The following PTK7 variants were observed in gnomAD, a reference collection of about 807,000 sequenced individuals.
The protein encoded by PTK7 is inactive tyrosine-protein kinase 7.
In PTK7, 39 loss-of-function variants were observed where a neutral mutation model predicts 116.6. The observed-to-expected ratio is 0.33, with a 90% CI of 0.26 to 0.44. The LOEUF (loss-of-function observed/expected upper bound fraction) is 0.44, where lower values mean the gene tolerates loss of function less well. Among genes scored for constraint, PTK7 ranks in the 20% least tolerant of loss-of-function variants. PTK7 has a pLI of 1.00. For synonymous variants in PTK7, 546 were observed against 563.6 expected (o/e 0.97, Z 0.44); for missense variants, 1,169 against 1,425.6 (o/e 0.82, Z 2.90).
rs1380727487 is a variant in PTK7 at position 43,142,244 on chromosome 6, C to A, written c.1992C>A (p.Cys664Ter). Residue 664 changes from cysteine to a stop codon, truncating the protein, a stop_gained, in exon 13 of 20, where the codon TGC (cysteine) becomes TGA (stop). Coordinates refer to ENST00000230419, the MANE Select transcript of PTK7 (RefSeq NM_002821.5). LOFTEE classifies it high-confidence loss of function. The part of the protein sequence containing the change: ...VAPEDSGRYT[C>*]IAGNSCNIKH... ...CTGAGGACTCAGGCCGCTACACCTG[C>A]ATTGCAGGCAACAGCTGCAACATCA... is the stretch of plus-strand genomic sequence containing the variant. 6.2e-7 allele frequency: 1 copy of A among 1,614,176 alleles called. No individual in the cohort carries two copies. Among genetic ancestry groups the A allele is most frequent in the Non-Finnish European group, 8.5e-7 (1 of 1,180,022 alleles).
intron 7 of PTK7, 53 bp downstream of exon 7, chr6:43,132,740 G>A: frequency 6.4e-7 from 1 of 1,550,426 alleles, no homozygotes; most frequent in East Asian, 2.4e-5. Context: ...ACACAGGTCT[G>A]GGTGTGATGG....
At chr6:43,103,498 G>A (rs1200295050) in intron 1 of PTK7, among the ~76,000 whole-genome samples, 2 of 151,824 alleles carry the variant, frequency 1.3e-5, no homozygotes, top group Admixed American at 6.6e-5. Flanking sequence ...TAAAAAATGT[G>A]TGCTCCCTGC....
At chr6:43,132,922 G>C in intron 7 of PTK7, 2 of 620,172 alleles carry the variant, frequency 3.2e-6, no homozygotes, top group Non-Finnish European at 5.7e-6. Context: ...GGTCCTCTGG[G>C]TACAGAGGAA....
At chr6:43,124,270 T>C (rs1441480483) in intron 1 of PTK7, among the ~76,000 whole-genome samples, 1 of 152,210 alleles carries the variant, frequency 6.6e-6, no homozygotes, top group East Asian at 1.9e-4. Flanking sequence ...ATTGCTGTCC[T>C]CCATTTCTTG....
chr6:43,088,433 A>T (rs549025911), intron 1 of PTK7, among the ~76,000 whole-genome samples: 182 of 151,962 alleles, frequency 1.2e-3, no homozygotes, highest in African/African-American at 4.1e-3. Flanking sequence ...CGTGGCTCAT[A>T]CCTGTAATCC....
At chr6:43,108,906 A>G (rs1236000098) in intron 1 of PTK7, among the ~76,000 whole-genome samples, 1 of 152,324 alleles carries the variant, frequency 6.6e-6, no homozygotes, top group East Asian at 1.9e-4. Context: ...GGAAACTTCT[A>G]TAAACACCAA....
chr6:43,086,479 C>G (rs1279531941), intron 1 of PTK7, among the ~76,000 whole-genome samples: 1 of 151,082 alleles, frequency 6.6e-6, no homozygotes, highest in African/African-American at 2.4e-5. Context: ...CGCTTGTCTG[C>G]TTTGGGACTG....
Position 43,161,197 on chromosome 6 carries a change from C to A in PTK7, c.*316C>A. ...CTGGCCTTCAACTTCTCCCCTTGAC[C>A]GGGTCCAACTCTGCCACTCATCTGC... On this transcript the variant is annotated 3_prime_UTR_variant, in exon 20 of 20. Coordinates refer to ENST00000230419, the MANE Select transcript of PTK7 (RefSeq NM_002821.5). 1 of 278,354 alleles carries A rather than the reference C, an allele frequency of 3.6e-6. No homozygotes were observed. The highest frequency in any genetic ancestry group is 6.8e-6 in the Non-Finnish European group (1 of 146,016). The allele number at this position is 278,354 out of a possible 1,614,324, so 17.2% of individuals were successfully genotyped here.
intron 1 of PTK7, chr6:43,077,009 C>A: frequency 6.9e-7 from 1 of 1,448,604 alleles, no homozygotes; most frequent in Non-Finnish European, 9.1e-7. Flanking sequence ...GGTTTGGGGC[C>A]CGATGCCGGA....
chr6:43,158,741 A>C, intron 17 of PTK7, 76 bp from the exon 18 acceptor site: 1 of 1,492,766 alleles, frequency 6.7e-7, no homozygotes, highest in South Asian at 1.2e-5. Context: ...TTGAAACGCT[A>C]CCAAGGGTTG....
rs1348052803 is a variant in PTK7, at chr6:43,145,425, T to C, written c.2633T>C (p.Val878Ala). The C allele has an allele frequency of 6.4e-7, 1 of 1,572,106 alleles. No individual in the cohort carries two copies. ...AEPHYMVLEY[V>A]DLGDLKQFLR... is the part of the protein sequence containing the mutation. Reference sequence around the variant, plus strand: ...CCCCACTACATGGTGCTGGAATATGTGGATCTGGTATGCTGTTGGCAGGGG... The same window carrying C: ...CCCCACTACATGGTGCTGGAATATGCGGATCTGGTATGCTGTTGGCAGGGG... Residue 878 changes from valine to alanine, a missense_variant, in exon 16 of 20, where the codon GTG becomes GCG. Physicochemically the swap from Val to Ala is moderately conservative, Grantham distance 64. Coordinates refer to ENST00000230419, the MANE Select transcript of PTK7 (RefSeq NM_002821.5). The surrounding 1 kb of genome is among the most constrained non-coding windows in gnomAD (Gnocchi z 4.8).
At position 43,132,645 on chromosome 6, in the gene PTK7, C is replaced by A; in HGVS notation, c.1186C>A (p.Leu396Met). 1 of 1,583,486 alleles carries A rather than the reference C, an allele frequency of 6.3e-7. No individual in the cohort carries two copies. ...TGTCTACACCTGCCACGCGGCCAAC[C>A]TGGCTGGTCAGCGGAGACAGGATGT... ...AGVYTCHAAN[L>M]AGQRRQDVNI... Residue 396 changes from leucine (L) to methionine (M), a missense_variant, in exon 7 of 20, where the codon CTG becomes ATG. By Grantham distance (15) the Leu-to-Met change is conservative. Around this residue, in one of 3 missense-constraint regions of PTK7, gnomAD observed 487 missense variants for 549.8 expected, o/e 0.89. Coordinates refer to ENST00000230419, the MANE Select transcript of PTK7 (RefSeq NM_002821.5).
intron 17 of PTK7, among the ~76,000 whole-genome samples, chr6:43,157,404 C>T (rs1771570251): frequency 1.0e-5 from 1 of 96,294 alleles, no homozygotes; most frequent in Non-Finnish European, 2.0e-5. Flanking sequence ...TTAATAGAGT[C>T]TCACTATGTT....
In PTK7 at chr6:43,130,589, A is replaced by G. The variant is rs1314278254; in HGVS notation, c.740A>G (p.Gln247Arg). 8.1e-6 allele frequency: 13 copies of G among 1,614,018 alleles called. 1 individual carries two copies. The South Asian group carries it at 9.9e-5, about 12-fold the overall frequency. The part of the protein sequence containing the change: ...ARYEEAMFHC[Q>R]FSAQPPPSLQ... ...TATGAGGAGGCCATGTTCCATTGCC[A>G]GTTCTCAGCCCAGCCACCCCCGAGC... Residue 247 changes from glutamine (Q) to arginine (R), a missense_variant, in exon 5 of 20, where the codon CAG becomes CGG. By Grantham distance (43) the Gln-to-Arg change is conservative (BLOSUM62 1). Around this residue, in one of 3 missense-constraint regions of PTK7, gnomAD observed 487 missense variants for 549.8 expected, o/e 0.89. Coordinates refer to ENST00000230419, the MANE Select transcript of PTK7 (RefSeq NM_002821.5).
chr6:43,142,470 C>T, intron 13 of PTK7, 171 bp downstream of exon 13: 1 of 1,070,440 alleles, frequency 9.3e-7, no homozygotes, highest in East Asian at 2.6e-5. Context: ...TTGCTCAGAG[C>T]CGGGCTGTCG....
intron 17 of PTK7, among the ~76,000 whole-genome samples, chr6:43,156,158 G>A (rs528627102): frequency 5.8e-4 from 86 of 148,780 alleles, no homozygotes; most frequent in Non-Finnish European, 3.1e-4. Context: ...GAACTTGGGA[G>A]GCAGAGGTTG....
intron 1 of PTK7, among the ~76,000 whole-genome samples, chr6:43,090,544 A>G (rs922555814): frequency 3.9e-5 from 6 of 152,154 alleles, no homozygotes; most frequent in African/African-American, 1.2e-4. Context: ...TAGAGGGTTT[A>G]TGGTTAGGTG....
intron 17 of PTK7, among the ~76,000 whole-genome samples, chr6:43,153,085 C>G (rs1211655554): frequency 1.3e-5 from 2 of 151,394 alleles, no homozygotes; most frequent in Non-Finnish European, 2.9e-5. Context: ...CACGCCCGGA[C>G]TGAGTTTTAT....
chr6:43,087,167 AGG>A (rs1303042278), intron 1 of PTK7, among the ~76,000 whole-genome samples: 1 of 152,228 alleles, frequency 6.6e-6, no homozygotes, highest in Non-Finnish European at 1.5e-5. Context: ...GAAGCCGGTG[AGG>A]GTGGAGCCCC....
Sources: allele counts gnomAD v4.1 joint callset (sites outside exome capture counted in the v4.1 genomes callset), GRCh38; gene constraint gnomAD v4.1.1; regional missense constraint gnomAD v4.1.1; non-coding constraint Gnocchi (gnomAD v3.1); transcripts MANE v1.5; gene names NCBI Gene and HGNC (gene_info 2026-07-23, HGNC 2026-07-21).